SYNE1: variants seen among roughly 807,000 people sequenced by gnomAD.
SYNE1 encodes spectrin repeat containing nuclear envelope protein 1, also known as nesprin-1.
In SYNE1, 616 loss-of-function variants were observed where a neutral mutation model predicts 1,111.0. That is an observed-to-expected ratio of 0.55 (90% CI 0.52 to 0.59). SYNE1 has a LOEUF of 0.59. Among genes scored for constraint, SYNE1 ranks in the 20% least tolerant of loss-of-function variants. The probability of loss-of-function intolerance (pLI) is 0.00; values close to 1 mark genes in which losing one functional copy is unlikely to be tolerated. For synonymous variants in SYNE1, 3,855 were observed against 3,825.8 expected (o/e 1.01, Z -0.28); for missense variants, 10,006 against 10,417.0 (o/e 0.96, Z 1.72).
chr6:152,341,407 C>T (rs1021920725), intron 74 of SYNE1, among the ~76,000 whole-genome samples: 2 of 152,226 alleles, frequency 1.3e-5, no homozygotes, highest in African/African-American at 4.8e-5. Context: ...AGTGACCACA[C>T]AGCTGCAAAC....
At chr6:152,578,658 A>G (rs1332095859) in intron 3 of SYNE1, among the ~76,000 whole-genome samples, 2 of 152,166 alleles carry the variant, frequency 1.3e-5, no homozygotes, top group Non-Finnish European at 2.9e-5. Context: ...TCCAGTATCT[A>G]ACTTTGATTT....
At chr6:152,472,263 TAA>T in intron 15 of SYNE1, 36 bp downstream of exon 15, 1 of 1,557,434 alleles carries the variant, frequency 6.4e-7, no homozygotes, top group Non-Finnish European at 8.9e-7. Context: ...CCTAGTGTTT[TAA>T]AAAGAGACTT....
intron 64 of SYNE1, among the ~76,000 whole-genome samples, chr6:152,360,397 C>T (rs2096912324): frequency 6.6e-6 from 1 of 152,176 alleles, no homozygotes; most frequent in Non-Finnish European, 1.5e-5. Context: ...TCCTCAACTC[C>T]TCCCCAGGCT....
At chr6:152,462,292 G>T (rs1250225957) in intron 20 of SYNE1, among the ~76,000 whole-genome samples, 1 of 151,952 alleles carries the variant, frequency 6.6e-6, no homozygotes, top group Non-Finnish European at 1.5e-5. Flanking sequence ...GAATGATACT[G>T]TTGTTTGCTT....
At position 152,218,411 on chromosome 6, in the gene SYNE1, T is replaced by C; in HGVS notation, c.22045-8A>G. 2 of 1,609,098 alleles carry C rather than the reference T, an allele frequency of 1.2e-6. No individual in the cohort carries two copies. The highest frequency in any genetic ancestry group is 1.7e-6 in the Non-Finnish European group (2 of 1,179,248). The stretch of plus-strand genomic sequence containing the variant: ...ATAATCAAGAACTCCAGCCTTTTTT[T>C]CCACAAAAGAAATTGGTATTTCAGT... On this transcript the variant is annotated splice_polypyrimidine_tract_variant and splice_region_variant and intron_variant, in intron 120 of 145. Transcript: ENST00000367255.
chr6:152,381,441 G>T, intron 55 of SYNE1, 79 bp from the exon 56 acceptor site: 11 of 1,433,488 alleles, frequency 7.7e-6, no homozygotes, highest in African/African-American at 1.4e-5. Flanking sequence ...GTACACAGGG[G>T]GACCCTGTCC....
intron 6 of SYNE1, among the ~76,000 whole-genome samples, chr6:152,512,224 A>G (rs2099088605): frequency 6.6e-6 from 1 of 152,280 alleles, no homozygotes; most frequent in African/African-American, 2.4e-5. Context: ...TTTGAGATAT[A>G]CCTATGGGAT....
intron 3 of SYNE1, among the ~76,000 whole-genome samples, chr6:152,586,013 T>C (rs2099537332): frequency 6.6e-6 from 1 of 152,106 alleles, no homozygotes; most frequent in South Asian, 2.1e-4. Context: ...TCCAAGAGTC[T>C]CCAAATGATG....
Position 152,326,388 on chromosome 6 carries a change from G to A in SYNE1, c.15201C>T (p.Gly5067=), listed in dbSNP as rs2096067865. ...CCACTTTCTGTTCTAGGTCTTCTTT[G>A]CCGGTTGGCTTGATGAGTGGGTCCA... ...ATLDPLIKPT[G]KEDLEQKVAS... The change falls in exon 79 of 146, where the codon GGC becomes GGT. Residue 5067 remains glycine (G), a synonymous_variant. Transcript: ENST00000367255. The A allele has an allele frequency of 6.2e-7, 1 of 1,614,008 alleles. No individual in the cohort carries two copies. Among genetic ancestry groups the A allele is most frequent in the African/African-American group, 1.3e-5 (1 of 74,914 alleles).
intron 66 of SYNE1, among the ~76,000 whole-genome samples, chr6:152,356,712 A>T (rs1227436471): frequency 2.0e-5 from 3 of 152,078 alleles, no homozygotes; most frequent in African/African-American, 4.8e-5. Context: ...GCAGCATCAC[A>T]ATTCTCCACC....
intron 12 of SYNE1, among the ~76,000 whole-genome samples, chr6:152,485,670 C>T (rs937302805): frequency 6.6e-6 from 1 of 152,004 alleles, no homozygotes; most frequent in Non-Finnish European, 1.5e-5. Flanking sequence ...TAAATTAACC[C>T]ATCCTAAAAT....
chr6:152,511,669 G>A, intron 6 of SYNE1: 2 of 1,433,648 alleles, frequency 1.4e-6, no homozygotes, highest in Non-Finnish European at 2.0e-6. Context: ...TGTTCAAAGG[G>A]AATAAAGAGG....
rs1229447932 is a variant in SYNE1, at chr6:152,476,727, G to A, written c.1351-4314C>T. Among the ~76,000 whole-genome samples the A allele has an allele frequency of 3.3e-5, 5 of 152,132 alleles. No individual in the cohort carries two copies. The East Asian group carries it at 9.7e-4, about 29-fold the overall frequency. ...CTCCAAAAAATACAAAAATTAGTCA[G>A]GTGTGGTGGCCCATGCCTGTAGTCC... is the stretch of plus-strand genomic sequence containing the variant. On this transcript the variant is annotated intron_variant, in intron 14 of 145. Coordinates refer to ENST00000367255, the MANE Select transcript of SYNE1 (RefSeq NM_182961.4).
Position 152,367,206 on chromosome 6 carries a change from A to G in SYNE1, c.9972+12T>C. The G allele has an allele frequency of 6.2e-7, 1 of 1,614,232 alleles. No homozygotes were observed. Among genetic ancestry groups the G allele is most frequent in the Non-Finnish European group, 8.5e-7 (1 of 1,180,038 alleles). ...CTGTAGGTTGGAGATATTTCTGTGTAAAGATGCACACCTCGAGCTTGAGCG... is the reference window on the plus strand; with the variant it reads ...CTGTAGGTTGGAGATATTTCTGTGTGAAGATGCACACCTCGAGCTTGAGCG... On this transcript the variant is annotated intron_variant, in intron 62 of 145. Transcript: ENST00000367255.
chr6:152,140,534 A>C (rs2058300921), intron 139 of SYNE1, among the ~76,000 whole-genome samples: 1 of 152,150 alleles, frequency 6.6e-6, no homozygotes, highest in South Asian at 2.1e-4. Context: ...CAGTGCATTA[A>C]AATAATTGGA....
At position 152,353,679 on chromosome 6, in the gene SYNE1, C is replaced by G. The variant is rs753876555; in HGVS notation, c.10992G>C (p.Glu3664Asp). 1 of 1,614,220 alleles carries G rather than the reference C, an allele frequency of 6.2e-7. No homozygotes were observed. Among genetic ancestry groups the G allele is most frequent in the South Asian group, 1.1e-5 (1 of 91,088 alleles). The change falls in exon 68 of 146, where the codon GAG (glutamate) becomes GAC (aspartate). Residue 3664 changes from glutamate to aspartate, a missense_variant. Coordinates refer to ENST00000367255, the MANE Select transcript of SYNE1 (RefSeq NM_182961.4). ...TGTTCACGTGGCTCTCGTCCAGTAT[C>G]TCCTGAGCTCTAGCTCCCACTTCCT... Reference protein sequence around the residue: ...EVEEVGARAQEILDESHVNSR... With the variant: ...EVEEVGARAQDILDESHVNSR...
intron 127 of SYNE1, among the ~76,000 whole-genome samples, chr6:152,194,677 G>T (rs539694385): frequency 4.6e-5 from 7 of 152,162 alleles, no homozygotes; most frequent in Non-Finnish European, 8.8e-5. Context: ...GATCCTGTAG[G>T]CATGTTTCAT....
intron 42 of SYNE1, 129 bp from the exon 43 acceptor site, chr6:152,409,838 C>T (rs2154170537): frequency 2.1e-6 from 2 of 971,328 alleles, no homozygotes; most frequent in South Asian, 1.5e-5. Context: ...TACATACTGT[C>T]CTCAAACTAG....
chr6:152,188,082 C>G (rs866446604), intron 128 of SYNE1, among the ~76,000 whole-genome samples: 1 of 152,166 alleles, frequency 6.6e-6, no homozygotes, highest in African/African-American at 2.4e-5. Flanking sequence ...TTCTTCTTAA[C>G]TGTACACATT....
Sources: gnomAD v4.1 joint callset for allele counts (sites outside exome capture counted in the v4.1 genomes callset) on GRCh38, gnomAD v4.1.1 for gene constraint, MANE v1.5 for transcripts, NCBI Gene and HGNC (gene_info 2026-07-23, HGNC 2026-07-21) for gene names.